Variants in ASMT observed in about 807,000 individuals in gnomAD.
The protein encoded by ASMT is acetylserotonin N-methyltransferase.
ASMT carries 53 observed loss-of-function variants against 41.3 expected under a neutral mutation model. The ratio of observed to expected loss-of-function variants is 1.28; its 90% CI spans 1.03 to 1.61. The LOEUF (loss-of-function observed/expected upper bound fraction) is 1.61. Among genes scored for constraint, ASMT ranks in the 40% most tolerant of loss-of-function variants. The probability of loss-of-function intolerance (pLI) is 0.00; values close to 1 mark genes in which losing one functional copy is unlikely to be tolerated. For synonymous variants in ASMT, 231 were observed against 184.8 expected, an observed-to-expected ratio of 1.25 and a Z score of -2.03; for missense variants, 531 against 441.3, an observed-to-expected ratio of 1.20 and a Z score of -1.82.
Position 1,636,969 on chromosome X carries a change from G to T in ASMT, c.910+409G>T, listed in dbSNP as rs769371404. Among the ~76,000 whole-genome samples, 81 of 73,100 alleles carry T rather than the reference G, an allele frequency of 1.1e-3. 2 individuals carry two copies. The highest frequency in any genetic ancestry group is 6.4e-3 in the Middle Eastern group (1 of 156). The allele number at this position is 73,100 out of a possible 152,430, so 48.0% of individuals were successfully genotyped here. The stretch of plus-strand genomic sequence containing the variant: ...CCTGTGAGGTCCATCCATCCTGATG[G>T]CACATGAGGATGTGGGCACAGCCTC... On this transcript the variant is annotated intron_variant, in intron 8 of 8. Transcript: ENST00000381241.
intron 1 of ASMT, among the ~76,000 whole-genome samples, chrX:1,622,547 A>C (rs1311754326): frequency 6.6e-6 from 1 of 151,780 alleles, no homozygotes; most frequent in African/African-American, 2.4e-5. Context: ...CACCTCCCAA[A>C]GCGCAGGGAT....
intron 1 of ASMT, among the ~76,000 whole-genome samples, chrX:1,616,375 T>C (rs1231479434): frequency 1.3e-5 from 2 of 151,280 alleles, no homozygotes; most frequent in East Asian, 1.9e-4. Flanking sequence ...ATGACTTCAT[T>C]TATATGAAAT....
At chrX:1,615,328 ATTG>A (rs1174923520) in intron 1 of ASMT, 60 bp downstream of exon 1, 22 of 1,461,378 alleles carry the variant, frequency 1.5e-5, no homozygotes, top group Non-Finnish European at 2.0e-5. Context: ...CTCACGTTCC[ATTG>A]TTGTGTCAGT....
At chrX:1,619,657 A>G (rs1345417627) in intron 1 of ASMT, among the ~76,000 whole-genome samples, 2 of 150,672 alleles carry the variant, frequency 1.3e-5, no homozygotes, top group Non-Finnish European at 3.0e-5. Flanking sequence ...CAGTTAATGC[A>G]CCTTTCATAG....
chrX:1,636,994 C>CTGTGTGTG (rs1335719904), intron 8 of ASMT, among the ~76,000 whole-genome samples: 1 of 55,580 alleles, frequency 1.8e-5, no homozygotes, highest in South Asian at 5.5e-4. Context: ...GGCACAGCCT[C>CTGTGTGTG]TGTGTGTGAT....
chrX:1,623,442 A>T, intron 2 of ASMT, 129 bp downstream of exon 2: 1 of 1,222,404 alleles, frequency 8.2e-7, no homozygotes, highest in South Asian at 1.3e-5. Context: ...TAAAAAAAAT[A>T]CAAAAAATTA....
chrX:1,625,193 C>T lies in ASMT; in HGVS notation c.374+795C>T, dbSNP rs1934487802. Among the ~76,000 whole-genome samples the T allele has an allele frequency of 2.7e-5, 4 of 150,280 alleles. No individual in the cohort carries two copies. The South Asian group carries it at 8.3e-4, about 31-fold the overall frequency. ...CATCTCGGCTCATTGCAAGCTATGCCTCCCGGGTTCACGCCATTCTCCTGC... is the reference window on the plus strand; with the variant it reads ...CATCTCGGCTCATTGCAAGCTATGCTTCCCGGGTTCACGCCATTCTCCTGC... On this transcript the variant is annotated intron_variant, in intron 3 of 8. Transcript: ENST00000381241.
chrX:1,615,208 C>T lies in ASMT; in HGVS notation c.9C>T (p.Ser3=), dbSNP rs1278323366. ...GCTGGATTGGAGACAAGATGGGATC[C>T]TCAGAGGACCAGGCCTATCGCCTCC... is the stretch of plus-strand genomic sequence containing the variant. MG[S]SEDQAYRLLN... Residue 3 remains serine, a synonymous_variant, in exon 1 of 9, where the codon TCC becomes TCT. Coordinates refer to ENST00000381241, the MANE Select transcript of ASMT (RefSeq NM_001171038.2). 14 of 1,594,572 alleles carry T rather than the reference C, an allele frequency of 8.8e-6. No homozygotes were observed. Among genetic ancestry groups the T allele is most frequent in the Non-Finnish European group, 1.2e-5 (14 of 1,170,824 alleles).
chrX:1,629,923 T>C lies in ASMT; in HGVS notation c.546T>C (p.Leu182=), dbSNP rs1934708094. 2 of 1,613,904 alleles carry C rather than the reference T, an allele frequency of 1.2e-6. No homozygotes were observed. Among genetic ancestry groups the C allele is most frequent in the African/African-American group, 2.7e-5 (2 of 75,048 alleles). ...LTAFDLSVFP[L]MCDLGGTWIK... ...CCTTTGACCTGTCAGTGTTCCCACT[T>C]ATGTGTGACCTTGGTGGTAAGTACC... The change falls in exon 5 of 9, where the codon CTT becomes CTC. Residue 182 remains leucine, a synonymous_variant. Coordinates refer to ENST00000381241, the MANE Select transcript of ASMT (RefSeq NM_001171038.2).
At chrX:1,623,485 G>A (rs1300254535) in intron 2 of ASMT, 172 bp downstream of exon 2, 2 of 290,328 alleles carry the variant, frequency 6.9e-6, no homozygotes, top group African/African-American at 4.5e-5. Flanking sequence ...TGTCATCCCA[G>A]CTACTCAGGA....
intron 8 of ASMT, among the ~76,000 whole-genome samples, chrX:1,641,523 TGTGTGTTGGGG>T (rs1935164199): frequency 6.8e-6 from 1 of 147,780 alleles, no homozygotes; most frequent in Non-Finnish European, 1.5e-5. Context: ...AGCCTCTGTG[TGTGTGTTGGGG>T]ACAGTGTCCC....
chrX:1,633,978 G>C (rs1386501234), intron 7 of ASMT, among the ~76,000 whole-genome samples: 3 of 151,828 alleles, frequency 2.0e-5, no homozygotes, highest in Non-Finnish European at 2.9e-5. Flanking sequence ...TCACCGTGTT[G>C]ACCAGGCTGG....
At chrX:1,631,637 G>A (rs1342163242) in intron 5 of ASMT, among the ~76,000 whole-genome samples, 2 of 152,144 alleles carry the variant, frequency 1.3e-5, no homozygotes, top group Admixed American at 6.6e-5. Context: ...CAAGCAGACC[G>A]GGCGCGGTGG....
chrX:1,618,413 C>G (rs1317289665), intron 1 of ASMT, among the ~76,000 whole-genome samples: 2 of 152,072 alleles, frequency 1.3e-5, no homozygotes, highest in African/African-American at 4.8e-5. Flanking sequence ...ATCTGCCTGC[C>G]TCGGCCTTCC....
At chrX:1,636,947 G>C (rs1934996730) in intron 8 of ASMT, among the ~76,000 whole-genome samples, 1 of 108,718 alleles carries the variant, frequency 9.2e-6, no homozygotes, top group Non-Finnish European at 1.9e-5. Context: ...CAGCTCTCCT[G>C]TGAGGTCCAT....
intron 1 of ASMT, among the ~76,000 whole-genome samples, chrX:1,616,362 G>A (rs1482383278): frequency 6.6e-6 from 1 of 151,228 alleles, no homozygotes; most frequent in African/African-American, 2.4e-5. Context: ...GGCCCCATAT[G>A]GTATGACTTC....
At chrX:1,616,045 T>G (rs5989852) in intron 1 of ASMT, among the ~76,000 whole-genome samples, 1 of 151,258 alleles carries the variant, frequency 6.6e-6, no homozygotes, top group African/African-American at 2.4e-5. Context: ...TTTTATTTTT[T>G]TGAGCTGGAG....
chrX:1,633,140 C>T lies in ASMT; in HGVS notation c.647-10C>T. Reference sequence around the variant, plus strand: ...TCTCTGAGGGTCAAACGGGCTGTGTCCCCTTCCAGGTGGGGCTGGAGCTCT... The same window carrying T: ...TCTCTGAGGGTCAAACGGGCTGTGTTCCCTTCCAGGTGGGGCTGGAGCTCT... On this transcript the variant is annotated splice_polypyrimidine_tract_variant and intron_variant, in intron 6 of 8. Coordinates refer to ENST00000381241, the MANE Select transcript of ASMT (RefSeq NM_001171038.2). 1.2e-6 allele frequency: 2 copies of T among 1,613,846 alleles called. No individual in the cohort carries two copies.
chrX:1,628,839 C>T (rs1486507026), intron 4 of ASMT, among the ~76,000 whole-genome samples: 6 of 142,826 alleles, frequency 4.2e-5, no homozygotes, highest in Non-Finnish European at 9.1e-5. Context: ...TTCTTTCTCT[C>T]ATCTTCTCTG....
Sources: gnomAD v4.1 joint callset for allele counts (sites outside exome capture counted in the v4.1 genomes callset) on GRCh38, gnomAD v4.1.1 for gene constraint, MANE v1.5 for transcripts, NCBI Gene and HGNC (gene_info 2026-07-23, HGNC 2026-07-21) for gene names.